Variants in CSMD1 observed in about 807,000 individuals in gnomAD.
The protein encoded by CSMD1 is CUB and sushi domain-containing protein 1.
A neutral mutation model predicts 417.5 loss-of-function variants in CSMD1; 213 were observed. That is an observed-to-expected ratio of 0.51 (90% confidence interval 0.46 to 0.57). The LOEUF is 0.57. CSMD1 is among the 20% of genes least tolerant of loss of function. The pLI is 0.00. For missense variants in CSMD1, 6,923 were observed against 4,529.7 expected (o/e 1.53, Z -15.17); for synonymous variants, 2,862 against 1,736.8 (o/e 1.65, Z -16.11).
At chr8:4,696,227 G>A (rs1260062292) in intron 1 of CSMD1, among the ~76,000 whole-genome samples, 1 of 152,194 alleles carries the variant, frequency 6.6e-6, no homozygotes, top group Non-Finnish European at 1.5e-5. Context: ...CTATGGACAT[G>A]ACAGATATGA....
At chr8:3,936,969 A>C (rs1345918390) in intron 5 of CSMD1, among the ~76,000 whole-genome samples, 1 of 152,188 alleles carries the variant, frequency 6.6e-6, no homozygotes, top group Non-Finnish European at 1.5e-5. Flanking sequence ...CAGGAGTTTA[A>C]AAGAAGTTGA....
intron 18 of CSMD1, among the ~76,000 whole-genome samples, chr8:3,384,071 G>A (rs1400695239): frequency 2.0e-5 from 3 of 152,088 alleles, no homozygotes; most frequent in Admixed American, 6.5e-5. Flanking sequence ...GGCTGTGAAA[G>A]CGAAGTGTGG....
chr8:4,203,607 G>C (rs189366216), intron 3 of CSMD1, among the ~76,000 whole-genome samples: 1 of 152,110 alleles, frequency 6.6e-6, no homozygotes, highest in African/African-American at 2.4e-5. Flanking sequence ...AGCAGCTGTG[G>C]CACTCAAAAT....
At chr8:4,138,412 G>A (rs1468352257) in intron 3 of CSMD1, among the ~76,000 whole-genome samples, 1 of 151,890 alleles carries the variant, frequency 6.6e-6, no homozygotes, top group African/African-American at 2.4e-5. Flanking sequence ...CCAGTTCTGA[G>A]CTCTCAGCCT....
intron 1 of CSMD1, among the ~76,000 whole-genome samples, chr8:4,847,546 G>A (rs1424532387): frequency 6.6e-6 from 1 of 151,968 alleles, no homozygotes; most frequent in African/African-American, 2.4e-5. Flanking sequence ...GGCCGATACT[G>A]GAATATTTTA....
intron 2 of CSMD1, among the ~76,000 whole-genome samples, chr8:4,494,330 T>C (rs962110355): frequency 3.3e-5 from 5 of 152,216 alleles, no homozygotes; most frequent in African/African-American, 1.2e-4. Context: ...TTCATGGCCA[T>C]GGTAAATTGC....
chr8:3,498,308 T>C (rs923541900), intron 10 of CSMD1, among the ~76,000 whole-genome samples: 2 of 152,234 alleles, frequency 1.3e-5, no homozygotes, highest in South Asian at 2.1e-4. Flanking sequence ...GTATATGTGG[T>C]ACTTTGATAC....
chr8:3,180,664 C>G (rs895359164), intron 37 of CSMD1, among the ~76,000 whole-genome samples: 1 of 152,066 alleles, frequency 6.6e-6, no homozygotes, highest in South Asian at 2.1e-4. Context: ...GAAACGGCAT[C>G]TCGCTCTGTC....
chr8:4,881,250 T>C (rs1399382524), intron 1 of CSMD1, among the ~76,000 whole-genome samples: 2 of 152,162 alleles, frequency 1.3e-5, no homozygotes, highest in Admixed American at 6.5e-5. Flanking sequence ...GTTATCAATA[T>C]GTGGTCTCTC....
intron 49 of CSMD1, among the ~76,000 whole-genome samples, chr8:3,086,411 C>T (rs2129005758): frequency 6.6e-6 from 1 of 152,170 alleles, no homozygotes; most frequent in East Asian, 1.9e-4. Context: ...AAAGCAATAC[C>T]AGAAAATCTA....
intron 3 of CSMD1, among the ~76,000 whole-genome samples, chr8:4,074,419 T>G (rs1799716397): frequency 6.6e-6 from 1 of 152,106 alleles, no homozygotes. Context: ...TATATTTAAG[T>G]TTTTTGTACA....
rs566357231 is a variant in CSMD1, at chr8:3,961,990, G to C, written c.818+35913C>G. Reference sequence around the variant, plus strand: ...AAGCAATGCAGCAAAACATCACAAAGTTGCACAAAGACATGCGTGCTTGTG... The same window carrying C: ...AAGCAATGCAGCAAAACATCACAAACTTGCACAAAGACATGCGTGCTTGTG... On this transcript the variant is annotated intron_variant, in intron 5 of 69. Transcript: ENST00000635120. Among the ~76,000 whole-genome samples the C allele has an allele frequency of 2.6e-5, 4 of 152,278 alleles. No homozygotes were observed. In the South Asian group the frequency reaches 8.3e-4, roughly 32 times the overall value.
At chr8:3,650,737 T>C (rs1367223362) in intron 7 of CSMD1, among the ~76,000 whole-genome samples, 1 of 152,224 alleles carries the variant, frequency 6.6e-6, no homozygotes, top group Non-Finnish European at 1.5e-5. Flanking sequence ...ATTCGATGAC[T>C]TCTTCAGCAT....
Position 3,785,012 on chromosome 8 carries a change from G to C in CSMD1, c.819-30970C>G, listed in dbSNP as rs531066758. 3.4e-3 allele frequency among the ~76,000 whole-genome samples: 516 copies of C among 152,290 alleles called. 2 individuals carry two copies. The highest frequency in any genetic ancestry group is 0.014 in the Middle Eastern group (4 of 294). ...TCATGTCAGATTCTCTAGCTAAACA[G>C]TTATAAGTAGAGGGAGGGAATAGAG... On this transcript the variant is annotated intron_variant, in intron 5 of 69. Coordinates refer to ENST00000635120, the MANE Select transcript of CSMD1 (RefSeq NM_033225.6).
At chr8:4,031,083 C>G (rs181453575) in intron 4 of CSMD1, among the ~76,000 whole-genome samples, 2 of 152,232 alleles carry the variant, frequency 1.3e-5, no homozygotes, top group African/African-American at 2.4e-5. Context: ...TAGAGAATTC[C>G]AAAACTTCCC....
intron 17 of CSMD1, among the ~76,000 whole-genome samples, chr8:3,388,070 G>A (rs903753002): frequency 1.3e-5 from 2 of 152,092 alleles, no homozygotes; most frequent in Non-Finnish European, 2.9e-5. Context: ...ATAGACATAT[G>A]TACTTCTATA....
At position 3,628,216 on chromosome 8, in the gene CSMD1, A is replaced by AT. The variant is rs1563212595; in HGVS notation, c.1010-11420dup. On this transcript the variant is annotated intron_variant, in intron 7 of 69. Transcript: ENST00000635120. The stretch of plus-strand genomic sequence containing the variant: ...ACGCGGTTGTATTTTTATTTTTAAA[A>AT]TTTGTGTTCTAATAATGCTCTACAA... Among the ~76,000 whole-genome samples, 3 of 152,178 alleles carry AT rather than the reference A, an allele frequency of 2.0e-5. 1 individual carries two copies. Among genetic ancestry groups the AT allele is most frequent in the Non-Finnish European group, 4.4e-5 (3 of 68,038 alleles).
chr8:3,614,125 T>C (rs1322951450), intron 8 of CSMD1, among the ~76,000 whole-genome samples: 1 of 152,116 alleles, frequency 6.6e-6, no homozygotes, highest in East Asian at 1.9e-4. Flanking sequence ...TTTACATGTG[T>C]ATTTAAGAGA....
intron 11 of CSMD1, among the ~76,000 whole-genome samples, chr8:3,488,416 G>C (rs898234371): frequency 6.6e-5 from 10 of 152,188 alleles, no homozygotes; most frequent in African/African-American, 2.2e-4. Context: ...CCAATAACAT[G>C]TCTTTTGACC....
Sources: gnomAD v4.1 joint callset for allele counts (sites outside exome capture counted in the v4.1 genomes callset) on GRCh38, gnomAD v4.1.1 for gene constraint, MANE v1.5 for transcripts, NCBI Gene and HGNC (gene_info 2026-07-23, HGNC 2026-07-21) for gene names.